Variants in CCDC57 observed in about 807,000 individuals in gnomAD.
CCDC57 encodes the protein coiled-coil domain-containing protein 57.
A neutral mutation model predicts 118.9 loss-of-function variants in CCDC57; 118 were observed. The observed-to-expected ratio is 0.99, with a 90% confidence interval of 0.86 to 1.16. The LOEUF is 1.16. CCDC57 is among the 50% of genes most tolerant of loss of function. The pLI, the probability that CCDC57 is intolerant of heterozygous loss-of-function variation, is 0.00. For missense variants in CCDC57, 1,300 were observed against 1,320.7 expected (o/e 0.98, Z 0.24); for synonymous variants, 527 against 532.9 (o/e 0.99, Z 0.15).
exon 19 of CCDC57, chr17:82,127,779 C>A: frequency 6.2e-7 from 1 of 1,612,972 alleles, no homozygotes; most frequent in South Asian, 1.1e-5. Flanking sequence ...GTGCCACTGG[C>A]AAAGGAGGAG....
chr17:82,204,471 C>T (rs543387973), intron 2 of CCDC57, among the ~76,000 whole-genome samples: 2 of 152,226 alleles, frequency 1.3e-5, no homozygotes, highest in African/African-American at 4.8e-5. Flanking sequence ...TTTTGGCTGC[C>T]AAAGGAATCT....
chr17:82,169,986 AT>A (rs1404445613), intron 13 of CCDC57, among the ~76,000 whole-genome samples: 4 of 152,184 alleles, frequency 2.6e-5, no homozygotes, highest in African/African-American at 9.7e-5. Context: ...CCCTAAAAAA[AT>A]CTATGACAAA....
chr17:82,113,216 G>C, intron 19 of CCDC57: 2 of 601,364 alleles, frequency 3.3e-6, no homozygotes, highest in South Asian at 2.0e-5. Context: ...ATGATAATCA[G>C]TGAAGGCGGG....
intron 8 of CCDC57, 99 bp from the exon 8 acceptor site, chr17:82,184,031 G>GCGCACGCA: frequency 7.9e-6 from 1 of 125,852 alleles, no homozygotes; most frequent in African/African-American, 4.3e-5. Flanking sequence ...GCGCGCGCGC[G>GCGCACGCA]CACACACACA....
intron 9 of CCDC57, 53 bp downstream of exon 8, chr17:82,183,720 CA>C: frequency 6.6e-7 from 1 of 1,509,784 alleles, no homozygotes; most frequent in Non-Finnish European, 8.9e-7. Flanking sequence ...GTACCTACAA[CA>C]GCACCTGCCC....
At chr17:82,194,292 C>A in intron 5 of CCDC57, 153 bp from the exon 5 acceptor site, 2 of 726,018 alleles carry the variant, frequency 2.8e-6, no homozygotes, top group Non-Finnish European at 4.3e-6. Flanking sequence ...TAACACAACT[C>A]AAACGAGACT....
At chr17:82,140,373 A>G (rs1263619554) in intron 16 of CCDC57, among the ~76,000 whole-genome samples, 2 of 152,012 alleles carry the variant, frequency 1.3e-5, no homozygotes, top group African/African-American at 4.8e-5. Context: ...GGCGTGAGCC[A>G]CCACGCCTGA....
chr17:82,122,398 T>G (rs2036830351), intron 19 of CCDC57, among the ~76,000 whole-genome samples: 1 of 42,044 alleles, frequency 2.4e-5, no homozygotes, highest in Non-Finnish European at 6.4e-5. Context: ...GGAGCAAGCA[T>G]CTCCCTCAGG....
intron 7 of CCDC57, among the ~76,000 whole-genome samples, chr17:82,191,249 G>A (rs761390634): frequency 1.8e-4 from 27 of 152,120 alleles, no homozygotes; most frequent in Non-Finnish European, 2.8e-4. Context: ...GAGTGCTTCC[G>A]AACCGGCGCC....
exon 14 of CCDC57, chr17:82,163,206 T>C (rs1339691435): frequency 2.5e-6 from 4 of 1,613,790 alleles, no homozygotes; most frequent in African/African-American, 1.3e-5. Flanking sequence ...TCACCTTCTG[T>C]CTGAGTCGTG....
rs372590914 is a variant in CCDC57, at chr17:82,171,737, A to G, written c.1846T>C (p.Ser616Pro). The G allele has an allele frequency of 3.7e-6, 6 of 1,613,292 alleles. No homozygotes were observed. In the African/African-American group the frequency reaches 8.0e-5, roughly 22 times the overall value. ...GTCGAGGTGCGGACGCTGGGCTGAG[A>G]CTCAGCATGAGGTGAGGACATCTTT... The change falls in exon 13 of 20, where the codon TCT (serine) becomes CCT (proline). Residue 616 changes from serine (S) to proline (P), a missense_variant. By Grantham distance (74) the Ser-to-Pro change is moderately conservative. Transcript: ENST00000665763.
intron 11 of CCDC57, among the ~76,000 whole-genome samples, chr17:82,176,693 G>A (rs1456552599): frequency 6.6e-6 from 1 of 152,078 alleles, no homozygotes; most frequent in Non-Finnish European, 1.5e-5. Context: ...CCCATGACCT[G>A]GTGTTGGGTC....
In CCDC57 at chr17:82,184,478, T is replaced by C. The variant is rs543457980; in HGVS notation, c.1053-546A>G. On this transcript the variant is annotated intron_variant, in intron 8 of 19. Transcript: ENST00000665763. ...GGAGAATTACCCAAAATGGAATAAA[T>C]TTCCCAAGAAAATGTTCGGGACAAT... is the stretch of plus-strand genomic sequence containing the variant. Among the ~76,000 whole-genome samples the C allele has an allele frequency of 3.3e-5, 5 of 152,368 alleles. No individual in the cohort carries two copies. The East Asian group carries it at 7.7e-4, about 23-fold the overall frequency.
chr17:82,188,701 A>C (rs1462912627), intron 7 of CCDC57, among the ~76,000 whole-genome samples: 9 of 152,242 alleles, frequency 5.9e-5, no homozygotes, highest in Admixed American at 5.9e-4. Flanking sequence ...TGATCCGATC[A>C]ACCTGCGAAA....
chr17:82,198,456 A>G, intron 3 of CCDC57, 34 bp from the exon 3 acceptor site: 1 of 1,388,640 alleles, frequency 7.2e-7, no homozygotes, highest in South Asian at 1.2e-5. Context: ...GAAAAGCCAT[A>G]CCAAATATTC....
intron 8 of CCDC57, among the ~76,000 whole-genome samples, chr17:82,185,607 A>T (rs1411647011): frequency 6.6e-6 from 1 of 151,886 alleles, no homozygotes; most frequent in East Asian, 1.9e-4. Flanking sequence ...TGACAGAGTG[A>T]GACCTTGTCA....
At chr17:82,156,077 C>G (rs1568296624) in intron 15 of CCDC57, 1 of 152,164 alleles carries the variant, frequency 6.6e-6, no homozygotes, top group Non-Finnish European at 1.5e-5. Flanking sequence ...AGGCAGATCA[C>G]TTGAAACCAG....
rs58856013 is a variant in CCDC57, at chr17:82,132,118, C to CAAA, written c.2577+1952_2577+1954dup. ...TGGGTGACAGAGCGAGACTCTGTCT[C>CAAA]AAAAAAAAAAAAAAAAAAAAGAATA... On this transcript the variant is annotated intron_variant, in intron 17 of 19. Coordinates refer to ENST00000665763, the Ensembl canonical transcript of CCDC57. Among the ~76,000 whole-genome samples the CAAA allele has an allele frequency of 5.6e-3, 568 of 101,840 alleles. 4 individuals carry two copies. The highest frequency in any genetic ancestry group is 0.02 in the African/African-American group (539 of 27,386). The allele number at this position is 101,840 out of a possible 152,430, so 66.8% of individuals were successfully genotyped here. A position where few individuals can be genotyped will look rare whatever the true frequency, so the allele number is the denominator to read the frequency against.
At chr17:82,101,479 G>A (rs751603812), downstream of CCDC57, 21 of 539,306 alleles carry the variant, frequency 3.9e-5, no homozygotes, top group Admixed American at 4.2e-4. Flanking sequence ...GCCCCAGGGA[G>A]GAACCTGGTT....
Sources: gnomAD v4.1 joint callset for allele counts (sites outside exome capture counted in the v4.1 genomes callset) on GRCh38, gnomAD v4.1.1 for gene constraint, MANE v1.5 for transcripts, NCBI Gene and HGNC (gene_info 2026-07-23, HGNC 2026-07-21) for gene names.